KLHL35: variants seen among roughly 807,000 people sequenced by gnomAD.
The protein encoded by KLHL35 is kelch-like protein 35.
Under a neutral mutation model 44.0 loss-of-function variants are expected in KLHL35, and 50 were observed. That is an observed-to-expected ratio of 1.14 (90% confidence interval 0.91 to 1.44). KLHL35 has a LOEUF of 1.44. Among genes scored for constraint, KLHL35 ranks in the 40% most tolerant of loss-of-function variants. The pLI, the probability that KLHL35 is intolerant of heterozygous loss-of-function variation, is 0.00. For missense variants in KLHL35, 1,049 were observed against 887.8 expected (o/e 1.18, Z -2.31); for synonymous variants, 470 against 410.4 (o/e 1.15, Z -1.76).
At chr11:75,431,324 G>A (rs1431926886) in intron 1 of KLHL35, among the ~76,000 whole-genome samples, 1 of 152,232 alleles carries the variant, frequency 6.6e-6, no homozygotes, top group East Asian at 1.9e-4. Flanking sequence ...AATTCGACAA[G>A]TATTTATTGG....
In KLHL35 at chr11:75,428,521, C is replaced by T. The variant is rs1172766031; in HGVS notation, c.987G>A (p.Trp329Ter). The change falls in exon 3 of 7, where the codon TGG (tryptophan) becomes TGA (stop). Residue 329 changes from tryptophan to a stop codon, truncating the protein, a stop_gained. Transcript: ENST00000539798. LOFTEE classifies it high-confidence loss of function. The stretch of plus-strand genomic sequence containing the variant: ...AGCCGGGCAGGCTGGGCAGTGGGGT[C>T]CACCGCTGGCTCTCTGGATGGTAGG... ...ADAYHPESQRWTPLPSLPGYT... is the reference protein window; with the variant it reads ...ADAYHPESQR 2 of 1,612,328 alleles carry T rather than the reference C, an allele frequency of 1.2e-6. No homozygotes were observed. Among genetic ancestry groups the T allele is most frequent in the African/African-American group, 1.3e-5 (1 of 75,070 alleles).
Position 75,422,503 on chromosome 11 carries a change from G to T in KLHL35, c.*77C>A. 1 of 1,365,360 alleles carries T rather than the reference G, an allele frequency of 7.3e-7. No homozygotes were observed. The highest frequency in any genetic ancestry group is 1.0e-6 in the Non-Finnish European group (1 of 978,588). The allele number at this position is 1,365,360 out of a possible 1,614,324, so 84.6% of individuals were successfully genotyped here. ...TAAGTTAAGGGCTGTTTGCGTGGAG[G>T]TGCCATGAGGGAGCAGAGTGTGCAT... On this transcript the variant is annotated 3_prime_UTR_variant, in exon 7 of 7. Coordinates refer to ENST00000539798, the MANE Select transcript of KLHL35 (RefSeq NM_001039548.3).
intron 5 of KLHL35, chr11:75,424,939 CA>C (rs1948477213): frequency 6.4e-6 from 1 of 157,350 alleles, no homozygotes; most frequent in South Asian, 2.0e-4. Context: ...AAAATTCTAA[CA>C]AAACAAAACT....
rs73494805 is a variant in KLHL35, at chr11:75,433,113, G to A, written c.-72C>T. On this transcript the variant is annotated 5_prime_UTR_variant, in exon 1 of 7. Coordinates refer to ENST00000539798, the MANE Select transcript of KLHL35 (RefSeq NM_001039548.3). ...GGTATCACTCCCGTTTGTGCCTGCCGCCCGCACCCCTGGCAGCCCAAGCTC... is the reference window on the plus strand; with the variant it reads ...GGTATCACTCCCGTTTGTGCCTGCCACCCGCACCCCTGGCAGCCCAAGCTC... 0.013 allele frequency among the ~76,000 whole-genome samples: 1,972 copies of A among 152,262 alleles called. 44 individuals are homozygous for A. The highest frequency in any genetic ancestry group is 0.045 in the African/African-American group (1,883 of 41,548).
At chr11:75,428,247 T>C (rs534867871) in intron 3 of KLHL35, among the ~76,000 whole-genome samples, 195 bp downstream of exon 3, 1 of 152,350 alleles carries the variant, frequency 6.6e-6, no homozygotes, top group Admixed American at 6.5e-5. Flanking sequence ...AAAGTAATCA[T>C]ATGTATTGAA....
chr11:75,427,621 T>C (rs1948502338), intron 3 of KLHL35, among the ~76,000 whole-genome samples: 1 of 152,188 alleles, frequency 6.6e-6, no homozygotes, highest in African/African-American at 2.4e-5. Context: ...CAGGCACCCA[T>C]AGTTCTTTAC....
chr11:75,422,572 A>T lies in KLHL35; in HGVS notation c.*8T>A, dbSNP rs1424657797. ...TCCGCCTCCTGGCTCAGGCTGTCCA[A>T]ATCTGAATCACCTGCCCAAGCTCTG... On this transcript the variant is annotated 3_prime_UTR_variant, in exon 7 of 7. Coordinates refer to ENST00000539798, the MANE Select transcript of KLHL35 (RefSeq NM_001039548.3). 1 of 1,608,792 alleles carries T rather than the reference A, an allele frequency of 6.2e-7. No individual in the cohort carries two copies. The highest frequency in any genetic ancestry group is 1.7e-5 in the Admixed American group (1 of 59,950).
chr11:75,422,983 C>A, intron 6 of KLHL35: 1 of 557,642 alleles, frequency 1.8e-6, no homozygotes, highest in Non-Finnish European at 3.2e-6. Context: ...CTCTCTGGAC[C>A]TCAGTTTCCT....
In KLHL35 at chr11:75,430,203, C is replaced by A; in HGVS notation, c.427G>T (p.Val143Leu). ...LGVAGLREACVRFLEGRLRAA... is the reference protein window; with the variant it reads ...LGVAGLREACLRFLEGRLRAA... Reference sequence around the variant, plus strand: ...CGCAGGCGGCCCTCGAGAAAGCGCACGCAGGCCTCGCGCAGGCCCGCCACG... The same window carrying A: ...CGCAGGCGGCCCTCGAGAAAGCGCAAGCAGGCCTCGCGCAGGCCCGCCACG... Residue 143 changes from valine to leucine, a missense_variant, in exon 2 of 7, where the codon GTG becomes TTG. Transcript: ENST00000539798. The A allele has an allele frequency of 1.6e-6, 2 of 1,237,648 alleles. No homozygotes were observed. The highest frequency in any genetic ancestry group is 2.0e-6 in the Non-Finnish European group (2 of 986,768). The allele number at this position is 1,237,648 out of a possible 1,614,324, so 76.7% of individuals were successfully genotyped here. A position where few individuals can be genotyped will look rare whatever the true frequency, so the allele number is the denominator to read the frequency against.
chr11:75,429,377 T>C (rs1337223942), intron 2 of KLHL35, among the ~76,000 whole-genome samples: 1 of 152,238 alleles, frequency 6.6e-6, no homozygotes, highest in Non-Finnish European at 1.5e-5. Context: ...TGGGGCAGGC[T>C]GCTTTCACTA....
rs1305835159 is a variant in KLHL35 at position 75,430,206 on chromosome 11, A to AGGCCTCGCGCAGGCCCGCCACGCC, written c.400_423dup (p.Gly134_Ala141dup). On this transcript the variant is annotated inframe_insertion, in exon 2 of 7. Transcript: ENST00000539798. ...AGGCGGCCCTCGAGAAAGCGCACGC[A>AGGCCTCGCGCAGGCCCGCCACGCC]GGCCTCGCGCAGGCCCGCCACGCCC... 3.2e-6 allele frequency: 4 copies of AGGCCTCGCGCAGGCCCGCCACGCC among 1,236,484 alleles called. No individual in the cohort carries two copies. Among genetic ancestry groups the AGGCCTCGCGCAGGCCCGCCACGCC allele is most frequent in the Non-Finnish European group, 4.1e-6 (4 of 986,286 alleles). The allele number at this position is 1,236,484 out of a possible 1,614,324, so 76.6% of individuals were successfully genotyped here. A position where few individuals can be genotyped will look rare whatever the true frequency, so the allele number is the denominator to read the frequency against.
chr11:75,429,685 T>A, intron 2 of KLHL35, 64 bp downstream of exon 2: 1 of 1,387,632 alleles, frequency 7.2e-7, no homozygotes, highest in East Asian at 3.1e-5. Flanking sequence ...GATGAAAGAA[T>A]GAATGAGCGG....
At chr11:75,425,339 C>A in intron 5 of KLHL35, 54 bp downstream of exon 5, 2 of 1,476,316 alleles carry the variant, frequency 1.4e-6, no homozygotes, top group Non-Finnish European at 1.8e-6. Flanking sequence ...GCGCCTGGCA[C>A]ACAGTGGGCA....
chr11:75,427,197 A>T (rs551008453), intron 3 of KLHL35, among the ~76,000 whole-genome samples: 1 of 152,182 alleles, frequency 6.6e-6, no homozygotes, highest in Non-Finnish European at 1.5e-5. Flanking sequence ...ACCAACAATG[A>T]CCTGCTGAAG....
At position 75,429,853 on chromosome 11, in the gene KLHL35, G is replaced by A. The variant is rs758990008; in HGVS notation, c.777C>T (p.Asp259=). The part of the protein sequence containing the change: ...PAYFLEKVEA[D]ELLQACGECR... ...ACTCGCCGCAGGCCTGCAGCAGCTC[G>A]TCCGCCTCCACCTTCTCCAGGAAGT... is the stretch of plus-strand genomic sequence containing the variant. The change falls in exon 2 of 7, where the codon GAC becomes GAT. Residue 259 remains aspartate (D), a synonymous_variant. Transcript: ENST00000539798. 2.0e-6 allele frequency: 3 copies of A among 1,515,868 alleles called. No homozygotes were observed. The South Asian group carries it at 3.7e-5, about 18-fold the overall frequency. The allele number at this position is 1,515,868 out of a possible 1,614,324, so 93.9% of individuals were successfully genotyped here.
In KLHL35 at chr11:75,428,347, C is replaced by T. The variant is rs911445466; in HGVS notation, c.1066+95G>A. ...CTGTAGGTTATCAGAAAACATCCCG[C>T]CCCTCTCTCCCGATTGGAGGGAAAA... On this transcript the variant is annotated intron_variant, in intron 3 of 6. Coordinates refer to ENST00000539798, the MANE Select transcript of KLHL35 (RefSeq NM_001039548.3). The T allele has an allele frequency of 5.0e-6, 7 of 1,402,200 alleles. No homozygotes were observed. In the African/African-American group the frequency reaches 1.0e-4, roughly 20 times the overall value. The allele number at this position is 1,402,200 out of a possible 1,614,324, so 86.9% of individuals were successfully genotyped here.
Position 75,426,580 on chromosome 11 carries a change from G to C in KLHL35, c.1125C>G (p.Ile375Met). 6.2e-7 allele frequency: 1 copy of C among 1,607,238 alleles called. No individual in the cohort carries two copies. Among genetic ancestry groups the C allele is most frequent in the South Asian group, 1.1e-5 (1 of 89,742 alleles). The change falls in exon 4 of 7, where the codon ATC becomes ATG. Residue 375 changes from isoleucine to methionine, a missense_variant. Ile to Met is a conservative substitution (Grantham distance 10). Transcript: ENST00000539798. ...TGCCCTTGTGCAGAGAGGCTACCTT[G>C]ATCCAGGTGTGCAGATGGGAGCTAA... ...WMFSSHLHTW[I>M]KVASLHKGRW... is the part of the protein sequence containing the mutation.
At position 75,426,518 on chromosome 11, in the gene KLHL35, A is replaced by ACCTGCC. The variant is rs776807186; in HGVS notation, c.1181_1185+1dup. The stretch of plus-strand genomic sequence containing the variant: ...AGGGCAGCCGCTGCAGCTCGTGCCT[A>ACCTGCC]CCTGCCCCTGCACAACTGCCATCTT... On this transcript the variant is annotated splice_donor_variant, in intron 4 of 6. Coordinates refer to ENST00000539798, the MANE Select transcript of KLHL35 (RefSeq NM_001039548.3). LOFTEE classifies it high-confidence loss of function. 41 of 1,580,732 alleles carry ACCTGCC rather than the reference A, an allele frequency of 2.6e-5. No individual in the cohort carries two copies. The highest frequency in any genetic ancestry group is 3.5e-5 in the Non-Finnish European group (41 of 1,162,560).
chr11:75,428,537 G>T lies in KLHL35; in HGVS notation c.971C>A (p.Pro324Gln). 1 of 1,612,154 alleles carries T rather than the reference G, an allele frequency of 6.2e-7. No individual in the cohort carries two copies. The change falls in exon 3 of 7, where the codon CCA (proline) becomes CAA (glutamine). Residue 324 changes from proline (P) to glutamine (Q), a missense_variant. By Grantham distance (76) the Pro-to-Gln change is moderately conservative (BLOSUM62 -1). Coordinates refer to ENST00000539798, the MANE Select transcript of KLHL35 (RefSeq NM_001039548.3). Reference sequence around the variant, plus strand: ...CAGTGGGGTCCACCGCTGGCTCTCTGGATGGTAGGCATCGGCGAAGGGCAG... The same window carrying T: ...CAGTGGGGTCCACCGCTGGCTCTCTTGATGGTAGGCATCGGCGAAGGGCAG... ...LKLPFADAYH[P>Q]ESQRWTPLPS... is the part of the protein sequence containing the mutation.
Sources: gnomAD v4.1 joint callset for allele counts (sites outside exome capture counted in the v4.1 genomes callset) on GRCh38, gnomAD v4.1.1 for gene constraint, MANE v1.5 for transcripts, NCBI Gene and HGNC (gene_info 2026-07-23, HGNC 2026-07-21) for gene names.